C1QTNF5: variants seen among roughly 807,000 people sequenced by gnomAD.
C1QTNF5 encodes complement C1q tumor necrosis factor-related protein 5.
C1QTNF5 carries 5 observed loss-of-function variants against 10.9 expected under a neutral mutation model. The observed-to-expected ratio is 0.46, with a 90% CI of 0.24 to 0.97. The LOEUF (loss-of-function observed/expected upper bound fraction) is 0.97. Ranked by LOEUF, C1QTNF5 falls within the 50% of genes least tolerant of loss-of-function variation. The pLI is 0.19. For synonymous variants in C1QTNF5, 161 were observed against 156.5 expected (o/e 1.03, Z -0.22); for missense variants, 281 against 339.4 (o/e 0.83, Z 1.35).
upstream of C1QTNF5, chr11:119,344,508 C>A: frequency 6.3e-7 from 1 of 1,583,162 alleles, no homozygotes; most frequent in Non-Finnish European, 8.6e-7. Flanking sequence ...AAGTTCTGGG[C>A]CAAAGAATGA....
At chr11:119,344,809 C>T, upstream of C1QTNF5, 2 of 1,613,698 alleles carry the variant, frequency 1.2e-6, no homozygotes, top group Non-Finnish European at 1.7e-6. Context: ...ACCCCTTTGA[C>T]AGGACTGGGA....
Position 119,339,434 on chromosome 11 carries a change from C to T in C1QTNF5, c.629G>A (p.Gly210Asp). The T allele has an allele frequency of 6.2e-7, 1 of 1,613,962 alleles. No individual in the cohort carries two copies. Among genetic ancestry groups the T allele is most frequent in the Non-Finnish European group, 8.5e-7 (1 of 1,179,904 alleles). Residue 210 changes from glycine (G) to aspartate (D), a missense_variant, in exon 3 of 3, where the codon GGT becomes GAT. Physicochemically the swap from Gly to Asp is moderately conservative, Grantham distance 94 (BLOSUM62 -1). Transcript: ENST00000528368. The surrounding 1 kb of genome is among the most constrained non-coding windows in gnomAD (Gnocchi z 5.4). ...ATAGATGCCAATGTAGTCACCCACA[C>T]CCACCTGCACCCACACTTGGTCCTC... ...EPEDQVWVQV[G>D]VGDYIGIYAS...
chr11:119,343,846 C>T (rs769067795), upstream of C1QTNF5: 2 of 1,613,976 alleles, frequency 1.2e-6, no homozygotes, highest in Non-Finnish European at 1.7e-6. Flanking sequence ...CCCTGAGCTG[C>T]TGGTCTCATA....
At chr11:119,341,403 C>G (rs887933898), upstream of C1QTNF5, 1 of 677,678 alleles carries the variant, frequency 1.5e-6, no homozygotes, top group Non-Finnish European at 2.5e-6. Context: ...TGAGCCCCAG[C>G]TGAGGACTTC....
upstream of C1QTNF5, chr11:119,345,431 G>A (rs749323383): frequency 2.5e-6 from 4 of 1,613,750 alleles, no homozygotes; most frequent in Admixed American, 1.7e-5. Flanking sequence ...TGAGGAGGGG[G>A]CCTTCAGGCT....
At chr11:119,342,597 T>A (rs2135368869), upstream of C1QTNF5, 1 of 1,613,094 alleles carries the variant, frequency 6.2e-7, no homozygotes, top group Non-Finnish European at 8.5e-7. Flanking sequence ...GCTTCTCACC[T>A]GGGGGTGGGA....
In C1QTNF5 at chr11:119,339,145, C is replaced by T; in HGVS notation, c.*186G>A. The T allele has an allele frequency of 1.5e-6, 1 of 664,604 alleles. No individual in the cohort carries two copies. The highest frequency in any genetic ancestry group is 2.5e-6 in the Non-Finnish European group (1 of 399,440). 41.2% of individuals were successfully genotyped at this position (664,604 alleles called of 1,614,324 possible). On this transcript the variant is annotated 3_prime_UTR_variant, in exon 3 of 3. Transcript: ENST00000528368. This position sits in a 1 kb window ranked among gnomAD's most constrained non-coding sequence, Gnocchi z 5.4. Reference sequence around the variant, plus strand: ...GCAGAAATCCAGCCACTGCCCCATGCTGCCAGACCTGATCGCAGACAGCCA... The same window carrying T: ...GCAGAAATCCAGCCACTGCCCCATGTTGCCAGACCTGATCGCAGACAGCCA...
chr11:119,342,786 A>C, upstream of C1QTNF5: 1 of 1,612,996 alleles, frequency 6.2e-7, no homozygotes, highest in Non-Finnish European at 8.5e-7. Flanking sequence ...CAGTACCCCC[A>C]GAGTGTCCTG....
At chr11:119,340,631 G>C (rs1232304484) in intron 1 of C1QTNF5, 64 bp downstream of exon 1, 3 of 549,020 alleles carry the variant, frequency 5.5e-6, no homozygotes, top group Non-Finnish European at 9.6e-6. Flanking sequence ...TCCCACCGCC[G>C]GCCCGCGCCA....
intron 2 of C1QTNF5, 82 bp downstream of exon 2, chr11:119,340,091 GGCGGGAGACCC>G: frequency 7.2e-7 from 1 of 1,396,506 alleles, no homozygotes; most frequent in Non-Finnish European, 9.4e-7. Context: ...GGCGCCCCCT[GGCGGGAGACCC>G]GAGTCCCGGA....
chr11:119,344,141 G>A (rs537462098), upstream of C1QTNF5, among the ~76,000 whole-genome samples: 14 of 152,112 alleles, frequency 9.2e-5, no homozygotes, highest in East Asian at 1.9e-4. Flanking sequence ...CCCAGTGTGG[G>A]AACATCTGGG....
chr11:119,344,045 A>C, upstream of C1QTNF5: 1 of 1,549,958 alleles, frequency 6.5e-7, no homozygotes, highest in Non-Finnish European at 8.8e-7. Context: ...TTCTTCCCCC[A>C]CTGCTGGCTG....
In C1QTNF5 at chr11:119,340,179, C is replaced by G; in HGVS notation, c.214+5G>C. ...CCACCGATAGCCGCGGCGGTGCCTT[C>G]TTACCCGGCCTCCCGCCCTCGCCTT... On this transcript the variant is annotated splice_donor_5th_base_variant and intron_variant, in intron 2 of 2. Coordinates refer to ENST00000528368, the MANE Select transcript of C1QTNF5 (RefSeq NM_001278431.2). 6.6e-7 allele frequency: 1 copy of G among 1,514,642 alleles called. No individual in the cohort carries two copies. Among genetic ancestry groups the G allele is most frequent in the East Asian group, 2.7e-5 (1 of 36,770 alleles). 93.8% of individuals were successfully genotyped at this position (1,514,642 alleles called of 1,614,324 possible). A position where few individuals can be genotyped will look rare whatever the true frequency, so the allele number is the denominator to read the frequency against.
Position 119,340,210 on chromosome 11 carries a change from C to A in C1QTNF5, c.188G>T (p.Gly63Val). ...CGGCCTCCCGCCCTCGCCTTTCTCTCCCGGAGCCCCGGGCGCGCCGTCGCG... is the reference window on the plus strand; with the variant it reads ...CGGCCTCCCGCCCTCGCCTTTCTCTACCGGAGCCCCGGGCGCGCCGTCGCG... ...DGRDGAPGAPGEKGEGGRPGL... is the reference protein window; with the variant it reads ...DGRDGAPGAPVEKGEGGRPGL... The change falls in exon 2 of 3, where the codon GGA becomes GTA. Residue 63 changes from glycine (G) to valine (V), a missense_variant. Coordinates refer to ENST00000528368, the MANE Select transcript of C1QTNF5 (RefSeq NM_001278431.2). 6.6e-7 allele frequency: 1 copy of A among 1,514,862 alleles called. No homozygotes were observed. The highest frequency in any genetic ancestry group is 1.5e-5 in the African/African-American group (1 of 68,906). 93.8% of individuals were successfully genotyped at this position (1,514,862 alleles called of 1,614,324 possible). A position where few individuals can be genotyped will look rare whatever the true frequency, so the allele number is the denominator to read the frequency against.
chr11:119,341,270 T>C, upstream of C1QTNF5: 1 of 500,856 alleles, frequency 2.0e-6, no homozygotes, highest in Non-Finnish European at 3.6e-6. Context: ...AAAAAGCAGA[T>C]GGAAAGGGGA....
chr11:119,344,202 C>T (rs1438672127), upstream of C1QTNF5: 5 of 1,129,474 alleles, frequency 4.4e-6, no homozygotes, highest in East Asian at 1.2e-4. Context: ...TGCTTGATCT[C>T]TGACCTTCCC....
At chr11:119,345,604 C>T (rs1044008594), upstream of C1QTNF5, 2 of 1,613,594 alleles carry the variant, frequency 1.2e-6, no homozygotes, top group Non-Finnish European at 1.7e-6. Flanking sequence ...CTGAAGAAGC[C>T]CCTTGGGCCA....
Position 119,339,833 on chromosome 11 carries a change from C to G in C1QTNF5, c.230G>C (p.Arg77Pro). 6.6e-7 allele frequency: 1 copy of G among 1,505,108 alleles called. No individual in the cohort carries two copies. The highest frequency in any genetic ancestry group is 8.8e-7 in the Non-Finnish European group (1 of 1,133,786). The allele number at this position is 1,505,108 out of a possible 1,614,324, so 93.2% of individuals were successfully genotyped here. Residue 77 changes from arginine (R) to proline (P), a missense_variant, in exon 3 of 3, where the codon CGA becomes CCA. Arg to Pro is a moderately radical substitution (Grantham distance 103, BLOSUM62 -2). Coordinates refer to ENST00000528368, the MANE Select transcript of C1QTNF5 (RefSeq NM_001278431.2). The surrounding 1 kb of genome is among the most constrained non-coding windows in gnomAD (Gnocchi z 5.4). ...EGGRPGLPGP[R>P]GDPGPRGEAG... ...CTCTCCTCGCGGCCCGGGGTCCCCT[C>G]GAGGTCCCGGCAGTCCTGCGGGGTA... is the stretch of plus-strand genomic sequence containing the variant.
At chr11:119,344,331 T>G (rs1314620034), upstream of C1QTNF5, 4 of 1,614,046 alleles carry the variant, frequency 2.5e-6, no homozygotes, top group Non-Finnish European at 3.4e-6. Context: ...GTGAGGGTAC[T>G]GCTGCAGGTA....
Sources: allele counts gnomAD v4.1 joint callset (sites outside exome capture counted in the v4.1 genomes callset), GRCh38; gene constraint gnomAD v4.1.1; non-coding constraint Gnocchi (gnomAD v3.1); transcripts MANE v1.5; gene names NCBI Gene and HGNC (gene_info 2026-07-23, HGNC 2026-07-21).